The following VRK2 variants were observed in gnomAD, a reference collection of about 807,000 sequenced individuals.
The protein encoded by VRK2 is serine/threonine-protein kinase VRK2.
In VRK2, 60 loss-of-function variants were observed where a neutral mutation model predicts 57.6. That is an observed-to-expected ratio of 1.04 (90% confidence interval 0.85 to 1.29). The LOEUF (loss-of-function observed/expected upper bound fraction) is 1.29, where lower values mean the gene tolerates loss of function less well. VRK2 is among the 50% of genes most tolerant of loss of function. VRK2 has a pLI of 0.00. For synonymous variants in VRK2, 231 were observed against 199.2 expected, an observed-to-expected ratio of 1.16 and a Z score of -1.35; for missense variants, 705 against 588.1, an observed-to-expected ratio of 1.20 and a Z score of -2.06.
At chr2:58,102,026 A>G (rs571650848) in intron 7 of VRK2, among the ~76,000 whole-genome samples, 2 of 151,800 alleles carry the variant, frequency 1.3e-5, no homozygotes, top group African/African-American at 2.4e-5. Context: ...AGCCAGGTAT[A>G]GTAACTAAGT....
rs367633994 is a variant in VRK2, at chr2:58,127,278, G to A, written c.676+4045G>A. ...TGAAATAAACTGAGAATGTATTTTC[G>A]TGCTACCAAACTTGGGGAAATGACA... is the stretch of plus-strand genomic sequence containing the variant. On this transcript the variant is annotated intron_variant, in intron 8 of 12. Transcript: ENST00000340157. Among the ~76,000 whole-genome samples, 19 of 151,982 alleles carry A rather than the reference G, an allele frequency of 1.3e-4. No individual in the cohort carries two copies. The East Asian group carries it at 1.7e-3, about 14-fold the overall frequency.
At chr2:57,946,956 G>C (rs1671280644) in intron 1 of VRK2, among the ~76,000 whole-genome samples, 1 of 152,094 alleles carries the variant, frequency 6.6e-6, no homozygotes, top group East Asian at 1.9e-4. Context: ...GAAGTCTTCA[G>C]GAAGAGCAGA....
chr2:57,941,112 C>G (rs1043920092), intron 1 of VRK2, among the ~76,000 whole-genome samples: 2 of 152,136 alleles, frequency 1.3e-5, no homozygotes, highest in African/African-American at 4.8e-5. Context: ...AAACTTTAAA[C>G]TCACTCTTCC....
intron 1 of VRK2, among the ~76,000 whole-genome samples, chr2:57,929,830 G>A (rs184183243): frequency 6.6e-6 from 1 of 152,092 alleles, no homozygotes; most frequent in East Asian, 1.9e-4. Context: ...TTCCTTTTTG[G>A]CCCAGGGAGT....
chr2:58,026,365 T>C (rs1480699709), intron 2 of VRK2, among the ~76,000 whole-genome samples: 1 of 152,062 alleles, frequency 6.6e-6, no homozygotes, highest in African/African-American at 2.4e-5. Flanking sequence ...CAGTATCTAG[T>C]TTATGTAAAT....
At chr2:58,139,561 A>G (rs1233310103) in intron 10 of VRK2, 105 bp from the exon 11 acceptor site, 15 of 951,834 alleles carry the variant, frequency 1.6e-5, no homozygotes, top group Middle Eastern at 6.7e-4. Flanking sequence ...TCTTCAGGAG[A>G]TGTAAATGTG....
intron 11 of VRK2, among the ~76,000 whole-genome samples, chr2:58,141,986 A>G (rs1681414803): frequency 6.6e-6 from 1 of 151,996 alleles, no homozygotes; most frequent in Non-Finnish European, 1.5e-5. Context: ...ATGGGTTTAT[A>G]GTTATATGTA....
intron 1 of VRK2, among the ~76,000 whole-genome samples, chr2:57,991,779 C>T (rs1169351257): frequency 7.0e-6 from 1 of 143,568 alleles, no homozygotes; most frequent in East Asian, 2.0e-4. Context: ...AACCCCGTCT[C>T]TACTAAAAAT....
intron 1 of VRK2, among the ~76,000 whole-genome samples, chr2:57,957,895 A>C (rs1671636025): frequency 6.6e-6 from 1 of 152,080 alleles, no homozygotes; most frequent in Non-Finnish European, 1.5e-5. Flanking sequence ...ATAGACTATC[A>C]CTGCTGCCAA....
At chr2:58,046,368 T>A (rs965239501), upstream of VRK2, among the ~76,000 whole-genome samples, 2 of 152,242 alleles carry the variant, frequency 1.3e-5, no homozygotes, top group African/African-American at 4.8e-5. Flanking sequence ...GTGAGTTACA[T>A]ACAGGCCCTC....
At chr2:58,088,483 T>C (rs750770890) in intron 6 of VRK2, 37 bp downstream of exon 6, 4 of 1,427,294 alleles carry the variant, frequency 2.8e-6, no homozygotes, top group East Asian at 2.3e-5. Context: ...CATTTCCAAA[T>C]TGTTTACTTC....
chr2:58,071,149 TGAG>T (rs1348848609), intron 2 of VRK2, among the ~76,000 whole-genome samples: 5 of 152,124 alleles, frequency 3.3e-5, no homozygotes, highest in Non-Finnish European at 5.9e-5. Flanking sequence ...CATTTTAAAA[TGAG>T]TTGTTCATTT....
chr2:58,011,042 C>T (rs1324419661), intron 1 of VRK2, among the ~76,000 whole-genome samples: 2 of 152,196 alleles, frequency 1.3e-5, no homozygotes, highest in East Asian at 3.8e-4. Flanking sequence ...GGCCTCCATA[C>T]CTTGGAGGTC....
At chr2:58,095,121 C>T (rs1232059409) in intron 7 of VRK2, among the ~76,000 whole-genome samples, 1 of 151,912 alleles carries the variant, frequency 6.6e-6, no homozygotes, top group Non-Finnish European at 1.5e-5. Flanking sequence ...TGGTGAAACC[C>T]CACCTCTACT....
intron 1 of VRK2, among the ~76,000 whole-genome samples, chr2:57,913,536 G>C (rs1013213741): frequency 6.6e-6 from 1 of 152,012 alleles, no homozygotes; most frequent in Admixed American, 6.6e-5. Flanking sequence ...TGAATAAGGA[G>C]GGCAGTTTTG....
At chr2:58,140,272 A>G (rs1681135544) in intron 11 of VRK2, among the ~76,000 whole-genome samples, 1 of 148,422 alleles carries the variant, frequency 6.7e-6, no homozygotes, top group African/African-American at 2.6e-5. Context: ...AGTTCTTTAC[A>G]GAAAATAAAA....
intron 7 of VRK2, among the ~76,000 whole-genome samples, chr2:58,109,679 C>T (rs1044225944): frequency 2.0e-5 from 3 of 152,116 alleles, no homozygotes; most frequent in East Asian, 3.9e-4. Context: ...GGGAACCGCC[C>T]CCATGATCTA....
intron 1 of VRK2, among the ~76,000 whole-genome samples, chr2:57,930,037 G>A (rs995716120): frequency 6.6e-6 from 1 of 152,110 alleles, no homozygotes; most frequent in African/African-American, 2.4e-5. Flanking sequence ...CTGGGGAAGA[G>A]TGGCAAAAGC....
At chr2:57,947,051 C>G (rs1235713770) in intron 1 of VRK2, among the ~76,000 whole-genome samples, 1 of 152,098 alleles carries the variant, frequency 6.6e-6, no homozygotes, top group Non-Finnish European at 1.5e-5. Flanking sequence ...GAAAACTTCC[C>G]ATAGTAAAGC....
Sources: gnomAD v4.1 joint callset for allele counts (sites outside exome capture counted in the v4.1 genomes callset) on GRCh38, gnomAD v4.1.1 for gene constraint, MANE v1.5 for transcripts, NCBI Gene and HGNC (gene_info 2026-07-23, HGNC 2026-07-21) for gene names.